Variants in CHSY3 observed in about 807,000 individuals in gnomAD.
The protein encoded by CHSY3 is N-acetylgalactosaminyl-proteoglycan 3-beta-glucuronosyltransferase 3.
In CHSY3, 35 loss-of-function variants were observed where a neutral mutation model predicts 67.2. The observed-to-expected ratio is 0.52, with a 90% CI of 0.40 to 0.69. CHSY3 has a LOEUF of 0.69. CHSY3 is among the 30% of genes least tolerant of loss of function. The pLI is 0.00. For synonymous variants in CHSY3, 474 were observed against 434.7 expected, an observed-to-expected ratio of 1.09 and a Z score of -1.12; for missense variants, 1,069 against 1,138.5, an observed-to-expected ratio of 0.94 and a Z score of 0.88.
upstream of CHSY3, among the ~76,000 whole-genome samples, chr5:129,904,151 G>T (rs963516836): frequency 6.6e-6 from 1 of 152,054 alleles, no homozygotes; most frequent in Admixed American, 6.5e-5. Flanking sequence ...GGGCGGGACG[G>T]GACGGGAAAT....
intron 2 of CHSY3, among the ~76,000 whole-genome samples, chr5:130,145,472 A>G (rs1006203206): frequency 4.6e-5 from 7 of 152,226 alleles, no homozygotes; most frequent in Admixed American, 6.5e-5. Context: ...GGAGAATATT[A>G]AAGACTTAAA....
intron 2 of CHSY3, among the ~76,000 whole-genome samples, chr5:130,134,794 C>A (rs1316007925): frequency 6.6e-6 from 1 of 152,036 alleles, no homozygotes; most frequent in Non-Finnish European, 1.5e-5. Context: ...AGTTAAATTG[C>A]ACCATCATCT....
At chr5:130,088,817 T>A (rs1263287479) in intron 2 of CHSY3, among the ~76,000 whole-genome samples, 1 of 152,116 alleles carries the variant, frequency 6.6e-6, no homozygotes. Flanking sequence ...AGTGTGGCGA[T>A]TCCTCAGGGA....
chr5:129,943,458 G>A (rs994290319), intron 2 of CHSY3, among the ~76,000 whole-genome samples: 1 of 152,096 alleles, frequency 6.6e-6, no homozygotes, highest in African/African-American at 2.4e-5. Flanking sequence ...TGCCATGCTG[G>A]CATTTAATTT....
intron 2 of CHSY3, among the ~76,000 whole-genome samples, chr5:129,960,673 TGTA>T (rs1248676389): frequency 1.6e-4 from 25 of 152,180 alleles, no homozygotes; most frequent in Middle Eastern, 6.8e-3. Flanking sequence ...TATGAAGCTT[TGTA>T]TCAACATCTT....
At position 130,009,382 on chromosome 5, in the gene CHSY3, A is replaced by T. The variant is rs149751321; in HGVS notation, c.1086+101022A>T. On this transcript the variant is annotated intron_variant, in intron 2 of 2. Transcript: ENST00000305031. ...CAGCCAAACTAAGCTTCCTAAACGA[A>T]GGAAAAATATAATCCTTTTCAGACA... Among the ~76,000 whole-genome samples the T allele has an allele frequency of 8.1e-4, 123 of 152,248 alleles. No homozygotes were observed. The East Asian group carries it at 0.018, about 22-fold the overall frequency.
chr5:130,103,317 A>T (rs546915575), intron 2 of CHSY3, among the ~76,000 whole-genome samples: 1 of 152,064 alleles, frequency 6.6e-6, no homozygotes, highest in Non-Finnish European at 1.5e-5. Context: ...GGAATTCTAG[A>T]ATTAATATAT....
intron 2 of CHSY3, chr5:130,001,442 C>A: frequency 3.5e-6 from 3 of 860,300 alleles, no homozygotes; most frequent in Non-Finnish European, 4.2e-6. Context: ...ATGAAGGTAT[C>A]ACCATGGACA....
chr5:129,945,361 A>G (rs1046376959), intron 2 of CHSY3, among the ~76,000 whole-genome samples: 3 of 152,238 alleles, frequency 2.0e-5, no homozygotes, highest in African/African-American at 7.2e-5. Flanking sequence ...ACATGGCATA[A>G]CTTCTTGAAG....
At chr5:129,913,441 A>G (rs1760634310) in intron 2 of CHSY3, among the ~76,000 whole-genome samples, 1 of 152,250 alleles carries the variant, frequency 6.6e-6, no homozygotes, top group African/African-American at 2.4e-5. Context: ...TGTATATCAT[A>G]TAACATAGTT....
intron 2 of CHSY3, among the ~76,000 whole-genome samples, chr5:130,119,004 A>G (rs1268483104): frequency 6.6e-6 from 1 of 152,116 alleles, no homozygotes; most frequent in African/African-American, 2.4e-5. Context: ...AATTGGGACC[A>G]TTTTAGAATG....
At chr5:130,131,110 T>C (rs1278230331) in intron 2 of CHSY3, among the ~76,000 whole-genome samples, 1 of 152,224 alleles carries the variant, frequency 6.6e-6, no homozygotes, top group African/African-American at 2.4e-5. Flanking sequence ...AGGACTGAAC[T>C]AAAACAGTTA....
intron 2 of CHSY3, chr5:130,141,763 G>C: frequency 4.3e-6 from 2 of 463,780 alleles, no homozygotes; most frequent in South Asian, 3.3e-5. Context: ...CAACTGGCTG[G>C]ATAAGAATCA....
At chr5:130,051,344 C>CTTTTTTAAAAAGAACTTTTTT (rs1765350445) in intron 2 of CHSY3, among the ~76,000 whole-genome samples, 7 of 151,870 alleles carry the variant, frequency 4.6e-5, no homozygotes, top group African/African-American at 1.5e-4. Flanking sequence ...TTTAAAGGAG[C>CTTTTTTAAAAAGAACTTTTTT]TAAAGTTCTT....
chr5:130,130,169 T>A (rs987372895), intron 2 of CHSY3, among the ~76,000 whole-genome samples: 2 of 152,100 alleles, frequency 1.3e-5, no homozygotes, highest in African/African-American at 4.8e-5. Flanking sequence ...GATTTAATTT[T>A]TAAAGGTACT....
At chr5:129,981,604 G>A (rs1263578608) in intron 2 of CHSY3, among the ~76,000 whole-genome samples, 5 of 152,026 alleles carry the variant, frequency 3.3e-5, no homozygotes, top group African/African-American at 4.8e-5. Context: ...CTGCACCCTC[G>A]GACTCCTGGG....
At chr5:129,923,697 A>C (rs1760999749) in intron 2 of CHSY3, among the ~76,000 whole-genome samples, 1 of 152,166 alleles carries the variant, frequency 6.6e-6, no homozygotes. Flanking sequence ...CAATTGGCAG[A>C]TCAAGAACTA....
intron 2 of CHSY3, among the ~76,000 whole-genome samples, chr5:130,145,431 A>G (rs2149721864): frequency 6.6e-6 from 1 of 152,306 alleles, no homozygotes; most frequent in East Asian, 1.9e-4. Context: ...CTCTCACCAT[A>G]TACAAAATCA....
chr5:130,018,143 T>C (rs1320011812), intron 2 of CHSY3, among the ~76,000 whole-genome samples: 1 of 152,222 alleles, frequency 6.6e-6, no homozygotes, highest in Non-Finnish European at 1.5e-5. Flanking sequence ...AGAGAGAATG[T>C]GATTTCACAT....
Sources: allele counts gnomAD v4.1 joint callset (sites outside exome capture counted in the v4.1 genomes callset), GRCh38; gene constraint gnomAD v4.1.1; transcripts MANE v1.5; gene names NCBI Gene and HGNC (gene_info 2026-07-23, HGNC 2026-07-21).